The following ASPH variants were observed in gnomAD, a reference collection of about 807,000 sequenced individuals.
ASPH encodes aspartyl/asparaginyl beta-hydroxylase.
ASPH carries 100 observed loss-of-function variants against 118.4 expected under a neutral mutation model. That is an observed-to-expected ratio of 0.84 (90% CI 0.72 to 1.00). The LOEUF is 1.00. Among genes scored for constraint, ASPH ranks in the 50% least tolerant of loss-of-function variants. ASPH has a pLI of 0.00. For missense variants in ASPH, 920 were observed against 919.5 expected (o/e 1.00, Z -0.01); for synonymous variants, 315 against 325.6 (o/e 0.97, Z 0.35).
chr8:61,528,871 A>G (rs72657083), intron 21 of ASPH, among the ~76,000 whole-genome samples: 1,620 of 152,294 alleles, frequency 0.011, 18 homozygotes, highest in Non-Finnish European at 0.017. Flanking sequence ...AAAAGGGGCA[A>G]ACTGGTGCAG....
In ASPH at chr8:61,503,295, C is replaced by A; in HGVS notation, c.*64G>T. 1 of 1,533,222 alleles carries A rather than the reference C, an allele frequency of 6.5e-7. No homozygotes were observed. The highest frequency in any genetic ancestry group is 8.8e-7 in the Non-Finnish European group (1 of 1,134,740). 95.0% of individuals were successfully genotyped at this position (1,533,222 alleles called of 1,614,324 possible). A position where few individuals can be genotyped will look rare whatever the true frequency, so the allele number is the denominator to read the frequency against. On this transcript the variant is annotated 3_prime_UTR_variant, in exon 25 of 25. Transcript: ENST00000379454. Reference sequence around the variant, plus strand: ...GGTGTTCGAAATTCTATCCTCACACCCAAGGAGATGGAACCAGAAAGGCAG... The same window carrying A: ...GGTGTTCGAAATTCTATCCTCACACACAAGGAGATGGAACCAGAAAGGCAG...
chr8:61,546,286 T>C (rs2130810539), intron 21 of ASPH, among the ~76,000 whole-genome samples: 1 of 152,358 alleles, frequency 6.6e-6, no homozygotes, highest in Admixed American at 6.5e-5. Flanking sequence ...ATCAGTAACA[T>C]TTCTTGTTGT....
chr8:61,514,920 G>A (rs1810311974), intron 24 of ASPH, among the ~76,000 whole-genome samples: 1 of 151,120 alleles, frequency 6.6e-6, no homozygotes, highest in African/African-American at 2.4e-5. Context: ...GCAGAATATA[G>A]AAGAGAAGGA....
At position 61,699,681 on chromosome 8, in the gene ASPH, A is replaced by G. The variant is rs1391465151; in HGVS notation, c.103+14588T>C. ...CTAAGAAAAATTTTTAAAAAGCAGT[A>G]TTATAGAGGAAGGCACATAGTTTAC... On this transcript the variant is annotated intron_variant, in intron 1 of 24. Coordinates refer to ENST00000379454, the MANE Select transcript of ASPH (RefSeq NM_004318.4). 2.6e-5 allele frequency among the ~76,000 whole-genome samples: 4 copies of G among 152,218 alleles called. No individual in the cohort carries two copies. In the East Asian group the frequency reaches 7.7e-4, roughly 29 times the overall value.
chr8:61,643,417 T>C lies in ASPH; in HGVS notation c.726A>G (p.Val242=). The change falls in exon 9 of 25, where the codon GTA becomes GTG. Residue 242 remains valine (V), a synonymous_variant. Coordinates refer to ENST00000379454, the MANE Select transcript of ASPH (RefSeq NM_004318.4). The part of the protein sequence containing the change: ...EQENPDSSEP[V]VEDERLHHDT... ...CATGGTGCAATCTTTCATCTTCTAC[T>C]ACTGGTTCACTGGAATCTAAAAAAC... is the stretch of plus-strand genomic sequence containing the variant. 6.2e-7 allele frequency: 1 copy of C among 1,605,114 alleles called. No homozygotes were observed. Among genetic ancestry groups the C allele is most frequent in the South Asian group, 1.1e-5 (1 of 90,924 alleles).
chr8:61,587,051 CCT>C (rs960873493), intron 14 of ASPH, among the ~76,000 whole-genome samples: 4 of 152,190 alleles, frequency 2.6e-5, no homozygotes, highest in African/African-American at 9.7e-5. Flanking sequence ...ATCCAAACCC[CCT>C]CTTTTAATTC....
At chr8:61,677,508 TA>T (rs2151557158) in intron 3 of ASPH, among the ~76,000 whole-genome samples, 1 of 152,282 alleles carries the variant, frequency 6.6e-6, no homozygotes, top group South Asian at 2.1e-4. Flanking sequence ...GATAGGCAGA[TA>T]AAGGATAAGA....
intron 3 of ASPH, chr8:61,656,315 G>T (rs1813658715): frequency 6.6e-6 from 1 of 152,174 alleles, no homozygotes; most frequent in African/African-American, 2.4e-5. Flanking sequence ...AACAAGAAGT[G>T]CGGAGGCGGC....
At chr8:61,603,715 A>C (rs1411147792) in intron 14 of ASPH, among the ~76,000 whole-genome samples, 3 of 152,222 alleles carry the variant, frequency 2.0e-5, no homozygotes, top group African/African-American at 2.4e-5. Context: ...CCTATCCCCA[A>C]GTACTTCACA....
At chr8:61,563,780 C>T (rs1830756493) in intron 17 of ASPH, among the ~76,000 whole-genome samples, 2 of 152,216 alleles carry the variant, frequency 1.3e-5, no homozygotes, top group Non-Finnish European at 1.5e-5. Context: ...TATCTGCCCA[C>T]CTAGGCTCAC....
intron 21 of ASPH, among the ~76,000 whole-genome samples, chr8:61,533,588 C>A (rs576432917): frequency 6.6e-6 from 1 of 152,272 alleles, no homozygotes; most frequent in South Asian, 2.1e-4. Context: ...TGACAGGCCT[C>A]CATGTTGGGT....
chr8:61,681,821 C>A (rs1359403036), intron 2 of ASPH, among the ~76,000 whole-genome samples: 4 of 151,830 alleles, frequency 2.6e-5, no homozygotes, highest in Admixed American at 2.0e-4. Flanking sequence ...ATAAGGAACA[C>A]TGTTATTTTG....
Position 61,696,006 on chromosome 8 carries a change from G to A in ASPH, c.104-11818C>T, listed in dbSNP as rs78740089. ...CTAAGAGAGAGAAATTCAGAAAGCA[G>A]CCCAGTGGTTTCTAGACTCTGATTT... On this transcript the variant is annotated intron_variant, in intron 1 of 24. Transcript: ENST00000379454. Among the ~76,000 whole-genome samples the A allele has an allele frequency of 9.1e-3, 1,381 of 152,278 alleles. 22 individuals carry two copies. Among genetic ancestry groups the A allele is most frequent in the African/African-American group, 0.032 (1,320 of 41,534 alleles).
At chr8:61,694,776 A>T (rs1236189199) in intron 1 of ASPH, among the ~76,000 whole-genome samples, 2 of 152,074 alleles carry the variant, frequency 1.3e-5, no homozygotes, top group African/African-American at 2.4e-5. Context: ...CTCTCCTTTG[A>T]GCTCCACAAC....
chr8:61,552,709 T>C (rs1394010167), intron 20 of ASPH, among the ~76,000 whole-genome samples: 1 of 152,160 alleles, frequency 6.6e-6, no homozygotes, highest in East Asian at 1.9e-4. Flanking sequence ...TTTCTATCTC[T>C]CTGTACACAC....
chr8:61,668,052 G>A (rs553973980), intron 3 of ASPH, among the ~76,000 whole-genome samples: 5 of 152,216 alleles, frequency 3.3e-5, no homozygotes, highest in Admixed American at 2.0e-4. Flanking sequence ...TTATAGGCTT[G>A]AAGCAGAAAA....
At chr8:61,527,863 G>T (rs1047911490) in intron 21 of ASPH, among the ~76,000 whole-genome samples, 2 of 152,174 alleles carry the variant, frequency 1.3e-5, no homozygotes, top group Non-Finnish European at 2.9e-5. Flanking sequence ...CTTGTTGGTG[G>T]TCAGATGGAG....
rs73259393 is a variant in ASPH, at chr8:61,510,182, T to C, written c.2127-6673A>G. On this transcript the variant is annotated intron_variant, in intron 24 of 24. Coordinates refer to ENST00000379454, the MANE Select transcript of ASPH (RefSeq NM_004318.4). ...AGTGCATTCATATGGATTACTTTAA[T>C]ACTCAAAACCATACAAAGACATACT... Among the ~76,000 whole-genome samples the C allele has an allele frequency of 2.3e-3, 349 of 152,340 alleles. 1 individual carries two copies. Among genetic ancestry groups the C allele is most frequent in the African/African-American group, 8.2e-3 (342 of 41,580 alleles).
intron 16 of ASPH, among the ~76,000 whole-genome samples, chr8:61,571,626 G>A (rs1833505578): frequency 6.6e-6 from 1 of 151,954 alleles, no homozygotes; most frequent in Non-Finnish European, 1.5e-5. Flanking sequence ...CCATGGATAT[G>A]GAACATGAGG....
Sources: allele counts gnomAD v4.1 joint callset (sites outside exome capture counted in the v4.1 genomes callset), GRCh38; gene constraint gnomAD v4.1.1; transcripts MANE v1.5; gene names NCBI Gene and HGNC (gene_info 2026-07-23, HGNC 2026-07-21).